The following FER variants were observed in gnomAD, a reference collection of about 807,000 sequenced individuals.
FER encodes the protein FER tyrosine kinase.
In FER, 63 loss-of-function variants were observed where a neutral mutation model predicts 111.0. The observed-to-expected ratio is 0.57, with a 90% CI of 0.46 to 0.70. The LOEUF (loss-of-function observed/expected upper bound fraction) is 0.70. FER is among the 30% of genes least tolerant of loss of function. The probability of loss-of-function intolerance (pLI) is 0.00; values close to 1 mark genes in which losing one functional copy is unlikely to be tolerated. For missense variants in FER, 914 were observed against 954.0 expected (o/e 0.96, Z 0.55); for synonymous variants, 327 against 313.9 (o/e 1.04, Z -0.44).
intron 10 of FER, among the ~76,000 whole-genome samples, chr5:108,912,214 C>CTGCTAAAG (rs1751651246): frequency 6.6e-6 from 1 of 152,100 alleles, no homozygotes; most frequent in South Asian, 2.1e-4. Context: ...TGAAAACGGA[C>CTGCTAAAG]TAATACAAGT....
chr5:109,113,309 C>T (rs149063821), intron 17 of FER, among the ~76,000 whole-genome samples: 2,237 of 152,212 alleles, frequency 0.015, 35 homozygotes, highest in South Asian at 0.023. Context: ...AGGAGTCCCA[C>T]ATTAAGCAGC....
At chr5:108,966,457 A>T (rs897013392) in intron 13 of FER, among the ~76,000 whole-genome samples, 2 of 142,812 alleles carry the variant, frequency 1.4e-5, no homozygotes, top group Non-Finnish European at 3.0e-5. Flanking sequence ...GCATGATCTC[A>T]GCTCACTGCA....
chr5:108,913,114 G>C (rs1380850029), intron 10 of FER, among the ~76,000 whole-genome samples: 1 of 152,166 alleles, frequency 6.6e-6, no homozygotes, highest in Non-Finnish European at 1.5e-5. Flanking sequence ...AGAGTATTGA[G>C]AATGTAAATA....
chr5:108,894,232 C>T (rs192851614), intron 9 of FER: 16 of 294,356 alleles, frequency 5.4e-5, no homozygotes, highest in Admixed American at 1.6e-4. Context: ...CCCCACAAAA[C>T]GATCATTAGT....
chr5:108,868,377 G>GT (rs1299565529), intron 6 of FER, among the ~76,000 whole-genome samples: 1 of 151,856 alleles, frequency 6.6e-6, no homozygotes, highest in Non-Finnish European at 1.5e-5. Flanking sequence ...GTTTATTGAA[G>GT]TTTTACGTAT....
At chr5:108,845,873 C>A (rs539430447) in intron 5 of FER, among the ~76,000 whole-genome samples, 1 of 152,154 alleles carries the variant, frequency 6.6e-6, no homozygotes, top group South Asian at 2.1e-4. Context: ...TAAATAGATA[C>A]CTATTTTGTT....
At chr5:109,082,988 G>A (rs959568215) in intron 16 of FER, among the ~76,000 whole-genome samples, 1 of 151,938 alleles carries the variant, frequency 6.6e-6, no homozygotes, top group Non-Finnish European at 1.5e-5. Flanking sequence ...AGAAAAAAAG[G>A]CAGAGGCAGT....
rs368202543 is a variant in FER, at chr5:109,195,081, C to T, written c.*7506C>T. 1 of 152,130 alleles carries T rather than the reference C, an allele frequency of 6.6e-6. No homozygotes were observed. Among genetic ancestry groups the T allele is most frequent in the South Asian group, 2.1e-4 (1 of 4,830 alleles). The allele number at this position is 152,130 out of a possible 1,614,324, so 9.4% of individuals were successfully genotyped here. A position where few individuals can be genotyped will look rare whatever the true frequency, so the allele number is the denominator to read the frequency against. Reference sequence around the variant, plus strand: ...CCCAAAAGAAAGAAAGAAACACACCCTCTTATGTAGGAATTTCCCTTTTAC... The same window carrying T: ...CCCAAAAGAAAGAAAGAAACACACCTTCTTATGTAGGAATTTCCCTTTTAC... On this transcript the variant is annotated 3_prime_UTR_variant, in exon 20 of 20. Coordinates refer to ENST00000281092, the MANE Select transcript of FER (RefSeq NM_005246.4).
intron 10 of FER, among the ~76,000 whole-genome samples, chr5:108,899,764 A>C (rs1489065376): frequency 6.6e-6 from 1 of 151,732 alleles, no homozygotes; most frequent in African/African-American, 2.4e-5. Context: ...AGATCGTGCC[A>C]CTGCACTCCA....
intron 13 of FER, among the ~76,000 whole-genome samples, chr5:109,003,368 A>G (rs1765064121): frequency 6.6e-6 from 1 of 152,202 alleles, no homozygotes; most frequent in South Asian, 2.1e-4. Flanking sequence ...TCACAAGGAC[A>G]AAAAACCAAA....
chr5:108,948,864 T>C (rs1383657917), intron 11 of FER, among the ~76,000 whole-genome samples: 1 of 152,088 alleles, frequency 6.6e-6, no homozygotes, highest in African/African-American at 2.4e-5. Context: ...AAAAATATTC[T>C]TTAAAACAAA....
chr5:108,838,652 T>G (rs1323499623), intron 5 of FER, among the ~76,000 whole-genome samples: 7 of 152,138 alleles, frequency 4.6e-5, no homozygotes, highest in Non-Finnish European at 7.4e-5. Context: ...ATGTTAAAAT[T>G]TATATACAAA....
At chr5:109,059,312 G>A (rs1774070746) in intron 16 of FER, among the ~76,000 whole-genome samples, 1 of 151,578 alleles carries the variant, frequency 6.6e-6, no homozygotes, top group Non-Finnish European at 1.5e-5. Flanking sequence ...AAGAATTATG[G>A]GATTTCTCAA....
intron 17 of FER, among the ~76,000 whole-genome samples, chr5:109,180,128 A>T (rs1029429373): frequency 8.5e-5 from 13 of 152,304 alleles, no homozygotes; most frequent in African/African-American, 2.9e-4. Flanking sequence ...TGGATGGGAT[A>T]TATTAATGAT....
chr5:109,158,129 A>C (rs1755609865), intron 17 of FER, among the ~76,000 whole-genome samples: 1 of 152,032 alleles, frequency 6.6e-6, no homozygotes, highest in African/African-American at 2.4e-5. Flanking sequence ...GTAACCCCTC[A>C]GCACTTTGGG....
chr5:109,166,409 C>G lies in FER; in HGVS notation c.2049-14338C>G, dbSNP rs536674121. ...CTATCAGGTGTGAATGAGAAAGAAG[C>G]AAGTAATTAGCTCTGCTCCCTCCCT... On this transcript the variant is annotated intron_variant, in intron 17 of 19. Transcript: ENST00000281092. Among the ~76,000 whole-genome samples the G allele has an allele frequency of 5.9e-5, 9 of 152,230 alleles. No individual in the cohort carries two copies. The South Asian group carries it at 1.9e-3, about 32-fold the overall frequency.
chr5:108,965,579 G>A (rs79042374), intron 13 of FER, among the ~76,000 whole-genome samples: 1,542 of 152,090 alleles, frequency 0.01, 20 homozygotes, highest in African/African-American at 0.035. Flanking sequence ...CCATTATTAG[G>A]TAAGGAAACT....
At chr5:108,978,723 C>T (rs1323163343) in intron 13 of FER, among the ~76,000 whole-genome samples, 1 of 152,108 alleles carries the variant, frequency 6.6e-6, no homozygotes, top group Non-Finnish European at 1.5e-5. Flanking sequence ...ACTATATATA[C>T]TCATAGATGC....
At chr5:108,865,120 A>G (rs1398931288) in intron 5 of FER, among the ~76,000 whole-genome samples, 9 of 152,126 alleles carry the variant, frequency 5.9e-5, no homozygotes, top group Admixed American at 2.0e-4. Flanking sequence ...CTTTGAAGCA[A>G]TTGTGAATGG....
Sources: gnomAD v4.1 joint callset for allele counts (sites outside exome capture counted in the v4.1 genomes callset) on GRCh38, gnomAD v4.1.1 for gene constraint, MANE v1.5 for transcripts, NCBI Gene and HGNC (gene_info 2026-07-23, HGNC 2026-07-21) for gene names.